The following PLPPR1 variants were observed in gnomAD, a reference collection of about 807,000 sequenced individuals.
The protein encoded by PLPPR1 is phospholipid phosphatase related 1.
In PLPPR1, 10 loss-of-function variants were observed where a neutral mutation model predicts 33.1. The ratio of observed to expected loss-of-function variants is 0.30; its 90% CI spans 0.19 to 0.51. The LOEUF (loss-of-function observed/expected upper bound fraction) is 0.51. Among genes scored for constraint, PLPPR1 ranks in the 20% least tolerant of loss-of-function variants. The pLI, the probability that PLPPR1 is intolerant of heterozygous loss-of-function variation, is 0.97. For synonymous variants in PLPPR1, 151 were observed against 151.0 expected (o/e 1.00, Z 0.00); for missense variants, 304 against 408.1 (o/e 0.74, Z 2.20).
chr9:101,181,608 A>G lies in PLPPR1; in HGVS notation c.-45-3842A>G, dbSNP rs1046110685. Among the ~76,000 whole-genome samples, 345 of 129,712 alleles carry G rather than the reference A, an allele frequency of 2.7e-3. 3 individuals are homozygous for G. The highest frequency in any genetic ancestry group is 8.1e-3 in the African/African-American group (304 of 37,314). 85.1% of individuals were successfully genotyped at this position (129,712 alleles called of 152,430 possible). A position where few individuals can be genotyped will look rare whatever the true frequency, so the allele number is the denominator to read the frequency against. On this transcript the variant is annotated intron_variant, in intron 1 of 7. Transcript: ENST00000374874. ...ATGGATAAAGAAATTGGGTATATGTATGTGTGTGTGTGTGTGTGTGTGTGT... is the reference window on the plus strand; with the variant it reads ...ATGGATAAAGAAATTGGGTATATGTGTGTGTGTGTGTGTGTGTGTGTGTGT...
chr9:101,256,956 T>C (rs546235809), intron 2 of PLPPR1, among the ~76,000 whole-genome samples: 2 of 152,210 alleles, frequency 1.3e-5, no homozygotes, highest in Admixed American at 1.3e-4. Context: ...CTCCCTCCCT[T>C]CTTCTTTCCA....
At chr9:101,318,093 G>A (rs1324306074) in intron 7 of PLPPR1, among the ~76,000 whole-genome samples, 1 of 152,176 alleles carries the variant, frequency 6.6e-6, no homozygotes, top group African/African-American at 2.4e-5. Context: ...CACTTTTGGA[G>A]GCCAAGGTGG....
intron 7 of PLPPR1, among the ~76,000 whole-genome samples, chr9:101,323,781 G>A (rs1469464878): frequency 6.6e-6 from 1 of 152,010 alleles, no homozygotes; most frequent in African/African-American, 2.4e-5. Flanking sequence ...AGAGGTTGCA[G>A]TAAGCTGAGA....
chr9:101,084,876 G>T (rs4742802), intron 1 of PLPPR1, among the ~76,000 whole-genome samples: 86,174 of 151,978 alleles, frequency 0.57, 24,486 homozygotes, highest in Non-Finnish European at 0.6. Flanking sequence ...GCCAGAGAAT[G>T]CATGTCCCAC....
intron 2 of PLPPR1, among the ~76,000 whole-genome samples, chr9:101,241,750 A>C (rs578144115): frequency 6.6e-6 from 1 of 152,218 alleles, no homozygotes; most frequent in African/African-American, 2.4e-5. Flanking sequence ...ATTCCTTGTA[A>C]CTGGGCAGCA....
intron 6 of PLPPR1, among the ~76,000 whole-genome samples, chr9:101,315,540 A>C (rs1036362133): frequency 3.3e-5 from 5 of 152,198 alleles, no homozygotes; most frequent in African/African-American, 4.8e-5. Context: ...TCTCCATAAC[A>C]TGCAGCCCTG....
At chr9:101,296,122 T>A (rs1406951321) in intron 4 of PLPPR1, among the ~76,000 whole-genome samples, 1 of 151,868 alleles carries the variant, frequency 6.6e-6, no homozygotes, top group Non-Finnish European at 1.5e-5. Flanking sequence ...AACAACCCCA[T>A]CAAAAAGTAG....
chr9:101,298,342 C>T (rs2118936826), intron 4 of PLPPR1, among the ~76,000 whole-genome samples: 1 of 152,240 alleles, frequency 6.6e-6, no homozygotes, highest in Non-Finnish European at 1.5e-5. Context: ...ACTGGACAGA[C>T]TAAAAAGTGC....
intron 1 of PLPPR1, among the ~76,000 whole-genome samples, chr9:101,062,713 C>A (rs1178159773): frequency 6.6e-6 from 1 of 151,956 alleles, no homozygotes; most frequent in Non-Finnish European, 1.5e-5. Flanking sequence ...TATTCTTTCC[C>A]AGAAGAGACT....
At chr9:101,295,439 TG>T (rs1228653058) in intron 4 of PLPPR1, among the ~76,000 whole-genome samples, 2 of 152,046 alleles carry the variant, frequency 1.3e-5, no homozygotes, top group Non-Finnish European at 2.9e-5. Flanking sequence ...TTCACAGAAT[TG>T]GAAAAAACTA....
intron 3 of PLPPR1, among the ~76,000 whole-genome samples, chr9:101,273,121 G>A (rs774956028): frequency 6.6e-6 from 1 of 152,150 alleles, no homozygotes; most frequent in Non-Finnish European, 1.5e-5. Flanking sequence ...CCAAAAAATT[G>A]TATGCAGTAT....
At chr9:101,184,643 TA>T (rs1826173389) in intron 1 of PLPPR1, among the ~76,000 whole-genome samples, 1 of 152,016 alleles carries the variant, frequency 6.6e-6, no homozygotes, top group Non-Finnish European at 1.5e-5. Context: ...GAAATTTCAT[TA>T]AAGCTTAAAA....
chr9:101,160,439 TG>T (rs1831757857), intron 1 of PLPPR1, among the ~76,000 whole-genome samples: 1 of 152,220 alleles, frequency 6.6e-6, no homozygotes, highest in African/African-American at 2.4e-5. Context: ...TTGAGGCATT[TG>T]GCACTTTTAT....
At chr9:101,194,722 C>T (rs1035065911) in intron 2 of PLPPR1, among the ~76,000 whole-genome samples, 1 of 147,774 alleles carries the variant, frequency 6.8e-6, no homozygotes, top group African/African-American at 2.5e-5. Flanking sequence ...CGTTGCACTC[C>T]AGCCTGGGCA....
At chr9:101,156,767 G>A (rs557998663) in intron 1 of PLPPR1, among the ~76,000 whole-genome samples, 13 of 152,210 alleles carry the variant, frequency 8.5e-5, no homozygotes, top group African/African-American at 2.4e-4. Flanking sequence ...ATGTCAATGG[G>A]AAGAGGAGAG....
intron 2 of PLPPR1, among the ~76,000 whole-genome samples, chr9:101,260,731 G>C (rs1227061490): frequency 6.6e-6 from 1 of 152,102 alleles, no homozygotes; most frequent in Non-Finnish European, 1.5e-5. Flanking sequence ...AGCTACAAAT[G>C]ATGATAGGAG....
intron 1 of PLPPR1, among the ~76,000 whole-genome samples, chr9:101,094,018 A>T (rs1223797186): frequency 1.3e-5 from 2 of 152,074 alleles, no homozygotes; most frequent in African/African-American, 2.4e-5. Flanking sequence ...CTCCTCCTTT[A>T]TCCAGGGCAT....
At chr9:101,180,143 T>TATATATAC (rs1564167627) in intron 1 of PLPPR1, among the ~76,000 whole-genome samples, 9 of 39,196 alleles carry the variant, frequency 2.3e-4, no homozygotes, top group East Asian at 9.6e-4. Flanking sequence ...TATATATATA[T>TATATATAC]ACACACACAC....
chr9:101,082,718 T>G (rs1311658574), intron 1 of PLPPR1, among the ~76,000 whole-genome samples: 1 of 152,174 alleles, frequency 6.6e-6, no homozygotes, highest in Non-Finnish European at 1.5e-5. Flanking sequence ...TCCAGTCCCA[T>G]GTGTTATTCA....
Sources: allele counts gnomAD v4.1 joint callset (sites outside exome capture counted in the v4.1 genomes callset), GRCh38; gene constraint gnomAD v4.1.1; transcripts MANE v1.5; gene names NCBI Gene and HGNC (gene_info 2026-07-23, HGNC 2026-07-21).